ASS1: variants seen among roughly 807,000 people sequenced by gnomAD.
ASS1 encodes the protein argininosuccinate synthase.
ASS1 carries 58 observed loss-of-function variants against 60.5 expected under a neutral mutation model. The ratio of observed to expected loss-of-function variants is 0.96; its 90% confidence interval spans 0.78 to 1.19. The LOEUF (loss-of-function observed/expected upper bound fraction) is 1.19. Ranked by LOEUF, ASS1 falls within the 50% of genes most tolerant of loss-of-function variation. The pLI is 0.00. For synonymous variants in ASS1, 200 were observed against 206.9 expected (o/e 0.97, Z 0.29); for missense variants, 454 against 547.3 (o/e 0.83, Z 1.70).
At chr9:130,487,497 T>A (rs1242577103) in intron 11 of ASS1, among the ~76,000 whole-genome samples, 1 of 151,778 alleles carries the variant, frequency 6.6e-6, no homozygotes, top group Non-Finnish European at 1.5e-5. Flanking sequence ...CGGCATTAGG[T>A]CCTTTCCCAG....
intron 1 of ASS1, among the ~76,000 whole-genome samples, chr9:130,451,149 A>G (rs1194119298): frequency 2.0e-5 from 3 of 152,202 alleles, no homozygotes; most frequent in Non-Finnish European, 2.9e-5. Flanking sequence ...GGGCGAGCCC[A>G]AGGGCAGCCC....
Position 130,476,693 on chromosome 9 carries a change from G to C in ASS1, c.598-178G>C. 1.5e-6 allele frequency: 1 copy of C among 668,970 alleles called. No individual in the cohort carries two copies. Among genetic ancestry groups the C allele is most frequent in the South Asian group, 1.6e-5 (1 of 60,884 alleles). The allele number at this position is 668,970 out of a possible 1,614,324, so 41.4% of individuals were successfully genotyped here. A position where few individuals can be genotyped will look rare whatever the true frequency, so the allele number is the denominator to read the frequency against. Reference sequence around the variant, plus strand: ...ATTTCTCCAGCCCTTTGTTTCCCAGGCCTCTGGCAAGCGAGGCTGGTGCTA... The same window carrying C: ...ATTTCTCCAGCCCTTTGTTTCCCAGCCCTCTGGCAAGCGAGGCTGGTGCTA... On this transcript the variant is annotated intron_variant, in intron 8 of 14. Coordinates refer to ENST00000352480, the MANE Select transcript of ASS1 (RefSeq NM_054012.4). This position sits in a 1 kb window ranked among gnomAD's most constrained non-coding sequence, Gnocchi z 4.9.
At chr9:130,472,200 G>A (rs1845882625) in intron 8 of ASS1, among the ~76,000 whole-genome samples, 1 of 152,212 alleles carries the variant, frequency 6.6e-6, no homozygotes, top group Non-Finnish European at 1.5e-5. Flanking sequence ...CACACCCCGG[G>A]GAGGCTGGTT....
At chr9:130,445,044 C>A (rs914328764) in intron 1 of ASS1, 49 bp downstream of exon 1, 29 of 638,600 alleles carry the variant, frequency 4.5e-5, no homozygotes, top group Non-Finnish European at 5.5e-5. Context: ...GCCGAGAGCA[C>A]CCGCTTCCCG....
chr9:130,448,422 G>GCGCACACACACACACACACA (rs71387350), intron 1 of ASS1, among the ~76,000 whole-genome samples: 101 of 143,372 alleles, frequency 7.0e-4, no homozygotes, highest in African/African-American at 2.4e-3. Flanking sequence ...GTGTGCGCGC[G>GCGCACACACACACACACACA]CACACACACA....
At position 130,488,745 on chromosome 9, in the gene ASS1, C is replaced by T. The variant is rs1289406939; in HGVS notation, c.839-588C>T. ...GGCCTACATTCAGTTCCCAGCTCCA[C>T]CTAGAGCAAGTCCCTTCTCCTCTTG... On this transcript the variant is annotated intron_variant, in intron 11 of 14. Transcript: ENST00000352480. The surrounding 1 kb of genome is among the most constrained non-coding windows in gnomAD (Gnocchi z 5.2). Among the ~76,000 whole-genome samples, 1 of 152,326 alleles carries T rather than the reference C, an allele frequency of 6.6e-6. No homozygotes were observed. The highest frequency in any genetic ancestry group is 2.1e-4 in the South Asian group (1 of 4,826).
At chr9:130,500,909 T>G in intron 14 of ASS1, 67 bp from the exon 15 acceptor site, 1 of 1,554,756 alleles carries the variant, frequency 6.4e-7, no homozygotes, top group South Asian at 1.1e-5. Flanking sequence ...CTGCCTGAAT[T>G]AATTGAACCC....
chr9:130,451,559 T>C (rs1845326177), intron 1 of ASS1: 7 of 345,426 alleles, frequency 2.0e-5, no homozygotes, highest in South Asian at 1.5e-4. Context: ...GGAGAGGGAC[T>C]GGGGCTGGGC....
intron 1 of ASS1, among the ~76,000 whole-genome samples, chr9:130,451,356 CAG>C (rs1009761665): frequency 6.6e-6 from 1 of 152,184 alleles, no homozygotes; most frequent in African/African-American, 2.4e-5. Flanking sequence ...CCGCTGGTTG[CAG>C]AGGTCTTAGG....
At position 130,459,555 on chromosome 9, in the gene ASS1, C is replaced by A. The variant is rs1395988897; in HGVS notation, c.363+966C>A. 6.6e-6 allele frequency among the ~76,000 whole-genome samples: 1 copy of A among 152,100 alleles called. No individual in the cohort carries two copies. The highest frequency in any genetic ancestry group is 1.5e-5 in the Non-Finnish European group (1 of 68,018). On this transcript the variant is annotated intron_variant, in intron 4 of 14. Transcript: ENST00000352480. This position sits in a 1 kb window ranked among gnomAD's most constrained non-coding sequence, Gnocchi z 4.6. ...GAAGCAATTCTCCTGCCTCAGCCTC[C>A]TGAGTAGCTGGGATTACAGGTGTGT...
chr9:130,467,749 C>T (rs1845779567), intron 6 of ASS1, among the ~76,000 whole-genome samples: 1 of 152,178 alleles, frequency 6.6e-6, no homozygotes, highest in Admixed American at 6.5e-5. Context: ...CCCTGGTCTC[C>T]TTGATGATAT....
intron 9 of ASS1, among the ~76,000 whole-genome samples, chr9:130,479,102 G>A (rs1473545865): frequency 6.7e-6 from 1 of 148,334 alleles, no homozygotes; most frequent in Non-Finnish European, 1.5e-5. Context: ...CCCACCCACT[G>A]CCCCCACCCA....
Position 130,476,859 on chromosome 9 carries a change from GTCTTTTT to G in ASS1, c.598-9_598-3del. On this transcript the variant is annotated splice_polypyrimidine_tract_variant and splice_region_variant and intron_variant, in intron 8 of 14. Transcript: ENST00000352480. The surrounding 1 kb of genome is among the most constrained non-coding windows in gnomAD (Gnocchi z 4.9). ...GTATGTCATCTGCCCACCACTTTCT[GTCTTTTT>G]TCAGAACCAAGCGCCTCCAGGTCTC... The G allele has an allele frequency of 6.2e-7, 1 of 1,612,314 alleles. No individual in the cohort carries two copies. The highest frequency in any genetic ancestry group is 8.5e-7 in the Non-Finnish European group (1 of 1,178,440).
At position 130,477,215 on chromosome 9, in the gene ASS1, G is replaced by T. The variant is rs1364405926; in HGVS notation, c.688+254G>T. ...ACTCGGGTTCATGGGCACCAGGTCT[G>T]GAATGAGAGCGCTCTAGTCCCTGAA... is the stretch of plus-strand genomic sequence containing the variant. On this transcript the variant is annotated intron_variant, in intron 9 of 14. Coordinates refer to ENST00000352480, the MANE Select transcript of ASS1 (RefSeq NM_054012.4). The surrounding 1 kb of genome is among the most constrained non-coding windows in gnomAD (Gnocchi z 4.2). 6.6e-6 allele frequency among the ~76,000 whole-genome samples: 1 copy of T among 152,176 alleles called. No homozygotes were observed. The highest frequency in any genetic ancestry group is 2.4e-5 in the African/African-American group (1 of 41,430).
chr9:130,471,021 C>G lies in ASS1; in HGVS notation c.566+117C>G, dbSNP rs1270971451. On this transcript the variant is annotated intron_variant, in intron 7 of 14. Coordinates refer to ENST00000352480, the MANE Select transcript of ASS1 (RefSeq NM_054012.4). ...ACCAGTGGTCCCTGCCCTCGGGGAGCTGAGAGGCCTCAGGCAGGACAGAGG... is the reference window on the plus strand; with the variant it reads ...ACCAGTGGTCCCTGCCCTCGGGGAGGTGAGAGGCCTCAGGCAGGACAGAGG... 3.3e-6 allele frequency: 4 copies of G among 1,203,590 alleles called. No individual in the cohort carries two copies. In the African/African-American group the frequency reaches 6.0e-5, roughly 18 times the overall value. 74.6% of individuals were successfully genotyped at this position (1,203,590 alleles called of 1,614,324 possible). A position where few individuals can be genotyped will look rare whatever the true frequency, so the allele number is the denominator to read the frequency against.
In ASS1 at chr9:130,489,290, C is replaced by A; in HGVS notation, c.839-43C>A. 1.3e-6 allele frequency: 2 copies of A among 1,593,890 alleles called. No individual in the cohort carries two copies. Among genetic ancestry groups the A allele is most frequent in the Admixed American group, 1.7e-5 (1 of 59,000 alleles). ...CTGACAGTTTGGGTTTCATGCGTTT[C>A]TCTCTTTTTTCTCCTTTTCCCCCTG... On this transcript the variant is annotated intron_variant, in intron 11 of 14. Coordinates refer to ENST00000352480, the MANE Select transcript of ASS1 (RefSeq NM_054012.4). This position sits in a 1 kb window ranked among gnomAD's most constrained non-coding sequence, Gnocchi z 4.1.
At chr9:130,464,893 C>T (rs1367107100) in intron 5 of ASS1, among the ~76,000 whole-genome samples, 2 of 151,910 alleles carry the variant, frequency 1.3e-5, no homozygotes, top group East Asian at 3.9e-4. Flanking sequence ...CCAGGGGTGC[C>T]GAGTGCAGGG....
At chr9:130,447,294 T>C (rs2131862352) in intron 1 of ASS1, among the ~76,000 whole-genome samples, 1 of 152,362 alleles carries the variant, frequency 6.6e-6, no homozygotes, top group East Asian at 1.9e-4. Flanking sequence ...TGACCTCGGC[T>C]GGCCGCTTAG....
At chr9:130,453,286 T>C (rs1423184321) in intron 2 of ASS1, among the ~76,000 whole-genome samples, 5 of 152,268 alleles carry the variant, frequency 3.3e-5, no homozygotes. Context: ...TCTCCATCCC[T>C]GTGGAATGGG....
Sources: gnomAD v4.1 joint callset for allele counts (sites outside exome capture counted in the v4.1 genomes callset) on GRCh38, gnomAD v4.1.1 for gene constraint, Gnocchi (gnomAD v3.1) non-coding constraint, MANE v1.5 for transcripts, NCBI Gene and HGNC (gene_info 2026-07-23, HGNC 2026-07-21) for gene names.